QTMAN: variants seen among roughly 807,000 people sequenced by gnomAD.
QTMAN encodes tRNA-queuosine alpha-mannosyltransferase.
the QTMAN span, among the ~76,000 whole-genome samples, chr2:144,115,438 C>T: frequency 1.3e-5 from 2 of 152,166 alleles, no homozygotes; most frequent in African/African-American, 4.8e-5. Context: ...AGTGAGGTTG[C>T]CTCCCAAAAA....
chr2:144,304,557 G>A, the QTMAN span, among the ~76,000 whole-genome samples: 23 of 152,040 alleles, frequency 1.5e-4, no homozygotes, highest in Non-Finnish European at 3.2e-4. Context: ...AAACATACCA[G>A]GATAGCAAGT....
At chr2:144,002,539 T>A in the QTMAN span, among the ~76,000 whole-genome samples, 1 of 152,140 alleles carries the variant, frequency 6.6e-6, no homozygotes, top group African/African-American at 2.4e-5. Context: ...TTTAAAATCT[T>A]AGCTTGACAG....
At chr2:144,301,917 G>A in the QTMAN span, among the ~76,000 whole-genome samples, 2 of 152,158 alleles carry the variant, frequency 1.3e-5, no homozygotes, top group Admixed American at 6.5e-5. Flanking sequence ...AATGGCAGTA[G>A]GTATAAATAA....
chr2:144,172,825 T>A, the QTMAN span, among the ~76,000 whole-genome samples: 4 of 152,054 alleles, frequency 2.6e-5, no homozygotes, highest in Non-Finnish European at 5.9e-5. Flanking sequence ...CTAAGATATA[T>A]GCCTCACCTA....
the QTMAN span, among the ~76,000 whole-genome samples, chr2:144,112,075 A>C: frequency 6.6e-6 from 1 of 152,258 alleles, no homozygotes; most frequent in East Asian, 1.9e-4. Context: ...AGAAAGTATT[A>C]CATTGGTATA....
the QTMAN span, among the ~76,000 whole-genome samples, chr2:144,120,326 T>G: frequency 1.3e-5 from 2 of 152,160 alleles, no homozygotes; most frequent in Admixed American, 1.3e-4. Flanking sequence ...AGTGCCTCAC[T>G]CAAGTCCAAC....
chr2:144,037,921 G>A, the QTMAN span, among the ~76,000 whole-genome samples: 1 of 152,126 alleles, frequency 6.6e-6, no homozygotes, highest in Non-Finnish European at 1.5e-5. Context: ...TAATTCCTTT[G>A]GTTACATTTT....
the QTMAN span, among the ~76,000 whole-genome samples, chr2:144,182,915 A>ATG: frequency 9.1e-6 from 1 of 109,306 alleles, no homozygotes; most frequent in South Asian, 2.5e-4. Context: ...ATATATATAT[A>ATG]AAATATGAGA....
the QTMAN span, among the ~76,000 whole-genome samples, chr2:144,180,648 T>A: frequency 1.3e-5 from 2 of 152,328 alleles, no homozygotes; most frequent in Admixed American, 1.3e-4. Flanking sequence ...TTCACATTTT[T>A]AAAAAACTGC....
chr2:144,297,230 T>C, the QTMAN span, among the ~76,000 whole-genome samples: 5 of 152,168 alleles, frequency 3.3e-5, no homozygotes, highest in Non-Finnish European at 5.9e-5. Context: ...TCTGTCAATT[T>C]TACCTACAAG....
the QTMAN span, among the ~76,000 whole-genome samples, chr2:144,312,935 T>C: frequency 1.3e-5 from 2 of 151,486 alleles, no homozygotes; most frequent in African/African-American, 4.9e-5. Context: ...CTCTTTTCTT[T>C]ATAAATTACC....
the QTMAN span, among the ~76,000 whole-genome samples, chr2:143,991,876 C>T: frequency 6.6e-6 from 1 of 150,402 alleles, no homozygotes; most frequent in Non-Finnish European, 1.5e-5. Flanking sequence ...AGGAGACCCT[C>T]TGCCTGGCCA....
chr2:144,137,758 A>G, the QTMAN span, among the ~76,000 whole-genome samples: 1 of 152,058 alleles, frequency 6.6e-6, no homozygotes, highest in African/African-American at 2.4e-5. Flanking sequence ...TCAGAGACAG[A>G]CAGAGAGAGA....
At chr2:144,288,013 C>A in the QTMAN span, among the ~76,000 whole-genome samples, 387 of 152,036 alleles carry the variant, frequency 2.5e-3, 1 homozygote, top group African/African-American at 8.9e-3. Flanking sequence ...CACCACCACA[C>A]CCAGATAATT....
At chr2:144,279,373 G>GAA in the QTMAN span, among the ~76,000 whole-genome samples, 43 of 70,832 alleles carry the variant, frequency 6.1e-4, no homozygotes, top group Admixed American at 3.1e-3. Context: ...CTCACCGCAA[G>GAA]AAAAAAAAAA....
chr2:144,025,989 T>G, the QTMAN span, among the ~76,000 whole-genome samples: 2 of 152,346 alleles, frequency 1.3e-5, no homozygotes, highest in Non-Finnish European at 2.9e-5. Context: ...CTTCTTCTTG[T>G]GGGTGACAAC....
At chr2:144,062,679 T>C in the QTMAN span, among the ~76,000 whole-genome samples, 1 of 152,194 alleles carries the variant, frequency 6.6e-6, no homozygotes, top group Non-Finnish European at 1.5e-5. Flanking sequence ...TCGACTTTAT[T>C]AACAACAGAC....
the QTMAN span, among the ~76,000 whole-genome samples, chr2:144,294,889 C>T: frequency 6.6e-6 from 1 of 152,024 alleles, no homozygotes; most frequent in Non-Finnish European, 1.5e-5. Context: ...TAGTTATACT[C>T]AAGCAGTTGG....
chr2:144,292,934 A>G, the QTMAN span, among the ~76,000 whole-genome samples: 15 of 152,298 alleles, frequency 9.8e-5, no homozygotes, highest in African/African-American at 2.6e-4. Context: ...AACATAACAA[A>G]TGATCATATA....
Sources: allele counts gnomAD v4.1 joint callset (sites outside exome capture counted in the v4.1 genomes callset), GRCh38; gene constraint gnomAD v4.1.1; transcripts MANE v1.5; gene names NCBI Gene and HGNC (gene_info 2026-07-23, HGNC 2026-07-21).